The following WDR46 variants were observed in gnomAD, a reference collection of about 807,000 sequenced individuals.
The protein encoded by WDR46 is WD repeat-containing protein 46.
Under a neutral mutation model 74.7 loss-of-function variants are expected in WDR46, and 58 were observed. That is an observed-to-expected ratio of 0.78 (90% CI 0.63 to 0.97). The LOEUF is 0.97. WDR46 is among the 50% of genes least tolerant of loss of function. The pLI, the probability that WDR46 is intolerant of heterozygous loss-of-function variation, is 0.00. For synonymous variants in WDR46, 278 were observed against 297.3 expected (o/e 0.93, Z 0.67); for missense variants, 702 against 790.1 (o/e 0.89, Z 1.34).
At chr6:33,286,772 A>C (rs749745265) in intron 10 of WDR46, 23 bp downstream of exon 10, 13 of 1,581,350 alleles carry the variant, frequency 8.2e-6, no homozygotes, top group Non-Finnish European at 1.0e-5. Context: ...GACTCCTAAC[A>C]CCTCACCCCA....
chr6:33,288,980 GA>G lies in WDR46; in HGVS notation c.102del (p.Pro35ArgfsTer30). On this transcript the variant is annotated frameshift_variant, in exon 2 of 15. Coordinates refer to ENST00000374617, the MANE Select transcript of WDR46 (RefSeq NM_005452.6). LOFTEE classifies it high-confidence loss of function. ...CCTGGAGAGGCTCCGGCTGTGGTCG[GA>G]ACGGTCTCTTCCTCCCAGTATCGCC... ...KPRRYWEEETVPTTAGASPGP... is the reference protein window; with the variant it reads ...KPRRYWEEETXPTTAGASPGP... The G allele has an allele frequency of 1.2e-6, 2 of 1,614,010 alleles. No individual in the cohort carries two copies. Among genetic ancestry groups the G allele is most frequent in the East Asian group, 4.5e-5 (2 of 44,876 alleles).
chr6:33,284,307 C>G (rs1196330267), intron 10 of WDR46: 1 of 153,602 alleles, frequency 6.5e-6, no homozygotes, highest in Non-Finnish European at 1.5e-5. Context: ...GGGAGCACCA[C>G]ACCAGGGCAG....
chr6:33,279,262 C>T lies in WDR46; in HGVS notation c.*14G>A, dbSNP rs1765895607. Reference sequence around the variant, plus strand: ...TTGGGGAGAGACTGTTCCCAGGCAACCCTGGAGTCTGGCTCAGCGCACAAA... The same window carrying T: ...TTGGGGAGAGACTGTTCCCAGGCAATCCTGGAGTCTGGCTCAGCGCACAAA... On this transcript the variant is annotated 3_prime_UTR_variant, in exon 15 of 15. Transcript: ENST00000374617. 3.1e-6 allele frequency: 5 copies of T among 1,614,068 alleles called. No individual in the cohort carries two copies. The highest frequency in any genetic ancestry group is 4.2e-6 in the Non-Finnish European group (5 of 1,179,972).
In WDR46 at chr6:33,287,600, G is replaced by A. The variant is rs1766779760; in HGVS notation, c.728+14C>T. 1 of 1,613,830 alleles carries A rather than the reference G, an allele frequency of 6.2e-7. No homozygotes were observed. On this transcript the variant is annotated intron_variant, in intron 7 of 14. Coordinates refer to ENST00000374617, the MANE Select transcript of WDR46 (RefSeq NM_005452.6). ...ATCTCACCCCAACTGACCGCTGACA[G>A]TGAGGCCACTGACCGGATGTCCCGC... is the stretch of plus-strand genomic sequence containing the variant.
At chr6:33,287,850 A>T in intron 6 of WDR46, 115 bp downstream of exon 6, 1 of 1,506,086 alleles carries the variant, frequency 6.6e-7, no homozygotes, top group South Asian at 1.1e-5. Context: ...TTACCCTCAC[A>T]CCCAAGCAAA....
chr6:33,284,691 T>C (rs554468771), intron 10 of WDR46: 1 of 153,908 alleles, frequency 6.5e-6, no homozygotes, highest in African/African-American at 2.4e-5. Context: ...GCCCATCATC[T>C]AGTTCTGTAT....
chr6:33,287,128 G>T lies in WDR46; in HGVS notation c.978C>A (p.Asn326Lys). The change falls in exon 9 of 15, where the codon AAC (asparagine) becomes AAA (lysine). Residue 326 changes from asparagine to lysine, a missense_variant. Asn to Lys is a moderately conservative substitution (Grantham distance 94). Coordinates refer to ENST00000374617, the MANE Select transcript of WDR46 (RefSeq NM_005452.6). ...CGAGATGGATGACGGCATTGTAAGG[G>T]TTCTGACTCATAACATCGAGCCGCC... The part of the protein sequence containing the change: ...RAGRLDVMSQ[N>K]PYNAVIHLGH... The T allele has an allele frequency of 6.2e-7, 1 of 1,613,986 alleles. No homozygotes were observed. The highest frequency in any genetic ancestry group is 8.5e-7 in the Non-Finnish European group (1 of 1,180,000).
intron 5 of WDR46, 51 bp from the exon 6 acceptor site, chr6:33,288,077 T>G (rs751750734): frequency 6.2e-7 from 1 of 1,613,848 alleles, no homozygotes; most frequent in African/African-American, 1.3e-5. Context: ...AACGCCTTCT[T>G]CTAGCCCCCA....
chr6:33,283,549 A>G (rs1766367545), intron 10 of WDR46, among the ~76,000 whole-genome samples: 1 of 152,222 alleles, frequency 6.6e-6, no homozygotes, highest in African/African-American at 2.4e-5. Context: ...GCGGTGACCT[A>G]TCCAGTGATG....
In WDR46 at chr6:33,280,945, A is replaced by G; in HGVS notation, c.1158T>C (p.Phe386=). ...GAGGCTGGTACGTCCCTCGCAAGTC[A>G]AAGATCTTCAGCTGGTGGTCTAGGC... ...TSGLDHQLKI[F]DLRGTYQPLS... Residue 386 remains phenylalanine, a synonymous_variant, in exon 11 of 15, where the codon TTT becomes TTC. Transcript: ENST00000374617. 1 of 1,613,320 alleles carries G rather than the reference A, an allele frequency of 6.2e-7. No homozygotes were observed. Among genetic ancestry groups the G allele is most frequent in the East Asian group, 2.2e-5 (1 of 44,868 alleles).
chr6:33,280,067 G>A (rs68185825), intron 12 of WDR46, among the ~76,000 whole-genome samples: 6,800 of 152,066 alleles, frequency 0.045, 517 homozygotes, highest in African/African-American at 0.15. Flanking sequence ...ACCTCCAACA[G>A]GGGCAATCTC....
At chr6:33,283,556 G>A (rs2150901613) in intron 10 of WDR46, among the ~76,000 whole-genome samples, 1 of 152,330 alleles carries the variant, frequency 6.6e-6, no homozygotes. Context: ...CCTATCCAGT[G>A]ATGGACACAT....
Position 33,288,852 on chromosome 6 carries a change from C to T in WDR46, c.231G>A (p.Lys77=), listed in dbSNP as rs1766975605. ...CCGGGTTCTTCCATTCTCGGGGTTT[C>T]TTCGGGACCTGAGGCTTCTTAGAGA... ...SRISKKPQVP[K]KPREWKNPES... is the part of the protein sequence containing the mutation. The change falls in exon 2 of 15, where the codon AAG becomes AAA. Residue 77 remains lysine (K), a synonymous_variant. Coordinates refer to ENST00000374617, the MANE Select transcript of WDR46 (RefSeq NM_005452.6). 5 of 1,614,044 alleles carry T rather than the reference C, an allele frequency of 3.1e-6. No individual in the cohort carries two copies. In the African/African-American group the frequency reaches 6.7e-5, roughly 22 times the overall value.
rs780712389 is a variant in WDR46 at position 33,288,250 on chromosome 6, T to G, written c.474-15A>C. ...CTTCCAGAAACCTGAAAGCAAGGGT[T>G]AGGATGGCAGTAAAGCTTCCCAATA... On this transcript the variant is annotated splice_polypyrimidine_tract_variant and intron_variant, in intron 4 of 14. Coordinates refer to ENST00000374617, the MANE Select transcript of WDR46 (RefSeq NM_005452.6). The G allele has an allele frequency of 2.5e-6, 4 of 1,614,164 alleles. No individual in the cohort carries two copies. The highest frequency in any genetic ancestry group is 1.1e-5 in the South Asian group (1 of 91,084).
At position 33,286,779 on chromosome 6, in the gene WDR46, C is replaced by CA. The variant is rs9282487; in HGVS notation, c.1115+15_1115+16insT. On this transcript the variant is annotated intron_variant, in intron 10 of 14. Transcript: ENST00000374617. ...CCACCTATGACTCCTAACACCTCAC[C>CA]CCACCAGTGACTTACGTGCCTGTAG... The CA allele has an allele frequency of 7.3e-5, 117 of 1,613,074 alleles. No homozygotes were observed. Among genetic ancestry groups the CA allele is most frequent in the Non-Finnish European group, 9.8e-5 (115 of 1,179,418 alleles).
chr6:33,279,564 T>TGCTTTG lies in WDR46; in HGVS notation c.1661_1666dup (p.Pro554_Lys555dup), dbSNP rs532641982. Reference sequence around the variant, plus strand: ...GCTTGCCGTGGAGCTGCGGCCCTTCTGCTTTGGCTTTGGCTGGAAGGGAGC... The same window carrying TGCTTTG: ...GCTTGCCGTGGAGCTGCGGCCCTTCTGCTTTGGCTTTGGCTTTGGCTGGAAGGGAGC... On this transcript the variant is annotated inframe_insertion, in exon 14 of 15. Coordinates refer to ENST00000374617, the MANE Select transcript of WDR46 (RefSeq NM_005452.6). The TGCTTTG allele has an allele frequency of 5.3e-5, 86 of 1,614,196 alleles. No individual in the cohort carries two copies. In the South Asian group the frequency reaches 8.9e-4, roughly 17 times the overall value.
chr6:33,282,379 C>G (rs1014926032), intron 10 of WDR46, among the ~76,000 whole-genome samples: 3 of 152,134 alleles, frequency 2.0e-5, no homozygotes, highest in Admixed American at 2.0e-4. Flanking sequence ...ACCGAGCGCT[C>G]GTGGAACACA....
chr6:33,288,516 A>G (rs772343990), intron 3 of WDR46, 46 bp from the exon 4 acceptor site: 22 of 1,610,870 alleles, frequency 1.4e-5, no homozygotes, highest in South Asian at 1.1e-5. Context: ...ACCACAGGAT[A>G]AGTGGGGTCA....
Position 33,280,528 on chromosome 6 carries a change from G to A in WDR46, c.1430-6C>T. On this transcript the variant is annotated splice_region_variant and splice_polypyrimidine_tract_variant and intron_variant, in intron 11 of 14. Coordinates refer to ENST00000374617, the MANE Select transcript of WDR46 (RefSeq NM_005452.6). ...GAAGTTGGGCTCACCGGCCCCTGAA[G>A]GGAGGGAGGGAGAAGCATGGAGCCA... 1.9e-6 allele frequency: 3 copies of A among 1,599,900 alleles called. No homozygotes were observed. The highest frequency in any genetic ancestry group is 2.6e-6 in the Non-Finnish European group (3 of 1,172,516).
Sources: allele counts gnomAD v4.1 joint callset (sites outside exome capture counted in the v4.1 genomes callset), GRCh38; gene constraint gnomAD v4.1.1; transcripts MANE v1.5; gene names NCBI Gene and HGNC (gene_info 2026-07-23, HGNC 2026-07-21).